Variants in CCNL1 observed in about 807,000 individuals in gnomAD.
The protein encoded by CCNL1 is cyclin L1.
A neutral mutation model predicts 60.6 loss-of-function variants in CCNL1; 13 were observed. The observed-to-expected ratio is 0.21, with a 90% CI of 0.14 to 0.34. The LOEUF (loss-of-function observed/expected upper bound fraction) is 0.34. Among genes scored for constraint, CCNL1 ranks in the 10% least tolerant of loss-of-function variants. The pLI is 1.00. For synonymous variants in CCNL1, 270 were observed against 244.3 expected (o/e 1.10, Z -0.98); for missense variants, 481 against 664.3 (o/e 0.72, Z 3.03).
At chr3:157,146,934 T>G (rs949519968), downstream of CCNL1, among the ~76,000 whole-genome samples, 2 of 152,210 alleles carry the variant, frequency 1.3e-5, no homozygotes, top group South Asian at 2.1e-4. Flanking sequence ...CACTTTTATA[T>G]CCTAATGAAT....
chr3:157,150,176 CAT>C lies in CCNL1; in HGVS notation c.775-9_775-8del. On this transcript the variant is annotated splice_polypyrimidine_tract_variant and splice_region_variant and intron_variant, in intron 6 of 10. Coordinates refer to ENST00000295926, the MANE Select transcript of CCNL1 (RefSeq NM_020307.4). ...GACGAGTTGGCAACGGAATCTAAAC[CAT>C]AAGAACAGAATGTTTTAAATTAAAT... 1.2e-6 allele frequency: 2 copies of C among 1,610,804 alleles called. No individual in the cohort carries two copies. The highest frequency in any genetic ancestry group is 1.7e-6 in the Non-Finnish European group (2 of 1,178,772).
intron 1 of CCNL1, 110 bp from the exon 2 acceptor site, chr3:157,159,589 C>G (rs1448657565): frequency 2.7e-6 from 3 of 1,117,586 alleles, no homozygotes; most frequent in Admixed American, 4.3e-5. Context: ...GCCGCCGCCG[C>G]CGCTGCGAAC....
intron 10 of CCNL1, chr3:157,148,864 T>C (rs955565562): frequency 5.0e-6 from 2 of 401,374 alleles, no homozygotes; most frequent in Non-Finnish European, 8.8e-6. Flanking sequence ...ATCTCCCACA[T>C]GTTCAAAAGA....
Position 157,149,862 on chromosome 3 carries a change from C to G in CCNL1, c.995G>C (p.Gly332Ala). 1 of 1,614,044 alleles carries G rather than the reference C, an allele frequency of 6.2e-7. No homozygotes were observed. Among genetic ancestry groups the G allele is most frequent in the Non-Finnish European group, 8.5e-7 (1 of 1,179,990 alleles). ...TGGCTTGGAGGCTGGAGAAAATCCA[C>G]CCAGGGTTGAAAGGGCTGGAGTTCC... ...PDGTPALSTL[G>A]GFSPASKPSS... The change falls in exon 8 of 11, where the codon GGT (glycine) becomes GCT (alanine). Residue 332 changes from glycine (G) to alanine (A), a missense_variant. By Grantham distance (60) the Gly-to-Ala change is moderately conservative (BLOSUM62 0). Transcript: ENST00000295926.
downstream of CCNL1, among the ~76,000 whole-genome samples, chr3:157,145,985 G>A (rs1464496521): frequency 6.6e-6 from 1 of 152,138 alleles, no homozygotes; most frequent in Non-Finnish European, 1.5e-5. Context: ...TACTGACAGG[G>A]GTAGTATGGC....
chr3:157,151,615 C>T (rs1738202227), intron 5 of CCNL1: 1 of 987,304 alleles, frequency 1.0e-6, no homozygotes, highest in Non-Finnish European at 1.2e-6. Flanking sequence ...TTTAGTCAAA[C>T]TCCTAATAAA....
At chr3:157,152,273 T>C (rs770666349) in intron 4 of CCNL1, 32 bp from the exon 5 acceptor site, 22 of 1,592,890 alleles carry the variant, frequency 1.4e-5, no homozygotes, top group Non-Finnish European at 1.9e-5. Context: ...CTCAATTCAG[T>C]ATACTGGTAG....
chr3:157,160,008 C>A lies in CCNL1; in HGVS notation c.87G>T (p.Thr29=). 6.4e-7 allele frequency: 1 copy of A among 1,572,708 alleles called. No homozygotes were observed. Among genetic ancestry groups the A allele is most frequent in the Non-Finnish European group, 8.6e-7 (1 of 1,159,434 alleles). ...CCGTCGTGGTCGTCGTCGTGGTCGT[C>A]GTCCCGGAGCTGGAGCCGCCCGCGC... ...APSAGGSSSG[T]TTTTTTTTGG... is the part of the protein sequence containing the mutation. Residue 29 remains threonine (T), a synonymous_variant, in exon 1 of 11, where the codon ACG becomes ACT. Coordinates refer to ENST00000295926, the MANE Select transcript of CCNL1 (RefSeq NM_020307.4).
chr3:157,153,109 T>G lies in CCNL1; in HGVS notation c.536A>C (p.Asn179Thr). The change falls in exon 4 of 11, where the codon AAT becomes ACT. Residue 179 changes from asparagine to threonine, a missense_variant. Transcript: ENST00000295926. ...ILDQNYINTK[N>T]QVIKAERRVL... ...CCTCCTCTCTGCTTTGATAACTTGA[T>G]TTTTGGTGTTAATGTAGTTCTGATC... 2 of 1,613,564 alleles carry G rather than the reference T, an allele frequency of 1.2e-6. No homozygotes were observed. The highest frequency in any genetic ancestry group is 1.7e-6 in the Non-Finnish European group (2 of 1,179,624).
intron 3 of CCNL1, chr3:157,156,991 AT>A: frequency 1.6e-6 from 2 of 1,289,644 alleles, no homozygotes; most frequent in Non-Finnish European, 2.0e-6. Context: ...CTCCTTGGGG[AT>A]TTTCGATACT....
rs778221858 is a variant in CCNL1 at position 157,149,868 on chromosome 3, G to A, written c.989C>T (p.Thr330Ile). 1 of 1,614,066 alleles carries A rather than the reference G, an allele frequency of 6.2e-7. No homozygotes were observed. The highest frequency in any genetic ancestry group is 8.5e-7 in the Non-Finnish European group (1 of 1,179,980). Residue 330 changes from threonine to isoleucine, a missense_variant, in exon 8 of 11, where the codon ACC becomes ATC. Around this residue, in one of 5 missense-constraint regions of CCNL1, gnomAD observed 75 missense variants for 129.6 expected, o/e 0.58. Transcript: ENST00000295926. Reference protein sequence around the residue: ...LNPDGTPALSTLGGFSPASKP... With the variant: ...LNPDGTPALSILGGFSPASKP... Reference sequence around the variant, plus strand: ...GGAGGCTGGAGAAAATCCACCCAGGGTTGAAAGGGCTGGAGTTCCATCCGG... The same window carrying A: ...GGAGGCTGGAGAAAATCCACCCAGGATTGAAAGGGCTGGAGTTCCATCCGG...
Position 157,159,775 on chromosome 3 carries a change from G to A in CCNL1, c.303+17C>T, listed in dbSNP as rs544921255. ...GAGGAGAGGAGCGCCCGGCCGGCCC[G>A]GGGCCGGAGCACTGACCTGCGGCAG... On this transcript the variant is annotated intron_variant, in intron 1 of 10. Transcript: ENST00000295926. 4.2e-5 allele frequency: 63 copies of A among 1,516,230 alleles called. No individual in the cohort carries two copies. In the African/African-American group the frequency reaches 8.3e-4, roughly 20 times the overall value. The allele number at this position is 1,516,230 out of a possible 1,614,324, so 93.9% of individuals were successfully genotyped here. A position where few individuals can be genotyped will look rare whatever the true frequency, so the allele number is the denominator to read the frequency against.
downstream of CCNL1, among the ~76,000 whole-genome samples, chr3:157,146,263 CAT>C (rs534819755): frequency 5.9e-5 from 9 of 152,056 alleles, no homozygotes; most frequent in Non-Finnish European, 7.4e-5. Context: ...TTTAAATAGC[CAT>C]AGAGTGGCAT....
At chr3:157,156,892 A>G (rs749103920) in intron 3 of CCNL1, 2 of 1,280,772 alleles carry the variant, frequency 1.6e-6, no homozygotes. Flanking sequence ...AAAAGCTTAT[A>G]ACAAGAAACA....
chr3:157,152,993 G>C (rs1228670120), intron 4 of CCNL1, 43 bp downstream of exon 4: 7 of 1,603,970 alleles, frequency 4.4e-6, no homozygotes, highest in South Asian at 2.2e-5. Context: ...TTTTAGAAAA[G>C]TCCTAATACT....
Position 157,147,999 on chromosome 3 carries a change from TATA to T in CCNL1, c.*239_*241del. ...CTTATAGCAATAAACAATACACAAC[TATA>T]ATAAAGTACAATTGAACCTGACCAT... On this transcript the variant is annotated 3_prime_UTR_variant, in exon 11 of 11. Transcript: ENST00000295926. 1 of 1,272,594 alleles carries T rather than the reference TATA, an allele frequency of 7.9e-7. No individual in the cohort carries two copies. Among genetic ancestry groups the T allele is most frequent in the Non-Finnish European group, 9.9e-7 (1 of 1,010,278 alleles). The allele number at this position is 1,272,594 out of a possible 1,614,324, so 78.8% of individuals were successfully genotyped here.
In CCNL1 at chr3:157,158,920, C is replaced by T; in HGVS notation, c.434G>A (p.Arg145Lys). The T allele has an allele frequency of 6.2e-7, 1 of 1,613,632 alleles. No individual in the cohort carries two copies. Among genetic ancestry groups the T allele is most frequent in the Non-Finnish European group, 8.5e-7 (1 of 1,179,878 alleles). ...GAATACATTAATCACATCTCTTATT[C>T]TTCTAGGTGCTTCTTCGATTTTTGA... ...LASKIEEAPR[R>K]IRDVINVFHH... The change falls in exon 3 of 11, where the codon AGA becomes AAA. Residue 145 changes from arginine (R) to lysine (K), a missense_variant. Arg to Lys is a conservative substitution (Grantham distance 26). Around this residue, in one of 5 missense-constraint regions of CCNL1, gnomAD observed 130 missense variants for 174.5 expected, o/e 0.75. Transcript: ENST00000295926.
chr3:157,152,091 C>T (rs1738238611), intron 5 of CCNL1, 86 bp downstream of exon 5: 2 of 1,560,522 alleles, frequency 1.3e-6, no homozygotes, highest in East Asian at 2.3e-5. Context: ...AAACTTATCT[C>T]ATTATTTTGG....
At chr3:157,157,440 T>C (rs771576016) in intron 3 of CCNL1, among the ~76,000 whole-genome samples, 2 of 152,220 alleles carry the variant, frequency 1.3e-5, no homozygotes, top group African/African-American at 2.4e-5. Flanking sequence ...GATTACATAA[T>C]AGTTGGCTCA....
Sources: gnomAD v4.1 joint callset for allele counts (sites outside exome capture counted in the v4.1 genomes callset) on GRCh38, gnomAD v4.1.1 for gene constraint, gnomAD v4.1.1 regional missense constraint, MANE v1.5 for transcripts, NCBI Gene and HGNC (gene_info 2026-07-23, HGNC 2026-07-21) for gene names.